CADPS: variants seen among roughly 807,000 people sequenced by gnomAD.
CADPS encodes the protein calcium dependent secretion activator, also known as calcium-dependent secretion activator 1.
A neutral mutation model predicts 167.3 loss-of-function variants in CADPS; 57 were observed. The observed-to-expected ratio is 0.34, with a 90% CI of 0.28 to 0.42. CADPS has a LOEUF of 0.42. Among genes scored for constraint, CADPS ranks in the 20% least tolerant of loss-of-function variants. The pLI, the probability that CADPS is intolerant of heterozygous loss-of-function variation, is 1.00. For missense variants in CADPS, 1,414 were observed against 1,738.1 expected, an observed-to-expected ratio of 0.81 and a Z score of 3.32; for synonymous variants, 676 against 635.3, an observed-to-expected ratio of 1.06 and a Z score of -0.96.
chr3:62,648,158 C>G (rs2069022313), intron 5 of CADPS, among the ~76,000 whole-genome samples: 1 of 152,166 alleles, frequency 6.6e-6, no homozygotes, highest in African/African-American at 2.4e-5. Flanking sequence ...ATTGTGCCCA[C>G]CAAAACACAT....
rs770889749 is a variant in CADPS at position 62,550,066 on chromosome 3, G to T, written c.1803C>A (p.Thr601=). 1.2e-6 allele frequency: 2 copies of T among 1,613,970 alleles called. No homozygotes were observed. The highest frequency in any genetic ancestry group is 1.3e-5 in the African/African-American group (1 of 74,986). ...AFFNAVKEGD[T]VIFASDDEQD... is the part of the protein sequence containing the mutation. ...GTTCATCGTCACTGGCAAATATCAC[G>T]GTGTCTCCCTCCTTGACAGCATTGA... The change falls in exon 11 of 30, where the codon ACC becomes ACA. Residue 601 remains threonine (T), a synonymous_variant. Transcript: ENST00000383710.
intron 1 of CADPS, among the ~76,000 whole-genome samples, chr3:62,782,887 G>A (rs2091901035): frequency 6.6e-6 from 1 of 151,414 alleles, no homozygotes; most frequent in Non-Finnish European, 1.5e-5. Context: ...AGCCTCTCAA[G>A]TAGCTGGGAT....
At chr3:62,728,628 C>G (rs6783200) in intron 3 of CADPS, among the ~76,000 whole-genome samples, 9,554 of 151,812 alleles carry the variant, frequency 0.063, 1,151 homozygotes, top group African/African-American at 0.22. Context: ...TGTAAATGTT[C>G]TCTTAATGAT....
At chr3:62,632,295 T>A (rs767609304) in intron 6 of CADPS, among the ~76,000 whole-genome samples, 2 of 152,156 alleles carry the variant, frequency 1.3e-5, no homozygotes, top group Non-Finnish European at 2.9e-5. Flanking sequence ...CCTTATACTT[T>A]CCCTCAATTT....
At chr3:62,797,282 A>G (rs9855844) in intron 1 of CADPS, among the ~76,000 whole-genome samples, 10,550 of 152,070 alleles carry the variant, frequency 0.069, 1,206 homozygotes, top group African/African-American at 0.24. Context: ...GGGCCCATAA[A>G]TTGTGTCCTG....
At chr3:62,530,607 G>C in intron 13 of CADPS, 1 of 1,163,898 alleles carries the variant, frequency 8.6e-7, no homozygotes, top group Non-Finnish European at 1.1e-6. Flanking sequence ...CTTGGGGAAA[G>C]GGTAAAGATA....
At chr3:62,821,940 TC>T (rs372562571) in intron 1 of CADPS, among the ~76,000 whole-genome samples, 52 of 152,310 alleles carry the variant, frequency 3.4e-4, no homozygotes, top group Non-Finnish European at 6.3e-4. Flanking sequence ...GAATGAGGTC[TC>T]TGCCTCCTTG....
intron 1 of CADPS, among the ~76,000 whole-genome samples, chr3:62,780,073 T>C (rs2091263292): frequency 6.6e-6 from 1 of 152,136 alleles, no homozygotes; most frequent in Non-Finnish European, 1.5e-5. Flanking sequence ...TAGGGTTTTT[T>C]TTTCTTCCAG....
intron 4 of CADPS, among the ~76,000 whole-genome samples, chr3:62,659,169 A>G (rs1458812990): frequency 6.6e-6 from 1 of 152,210 alleles, no homozygotes; most frequent in Non-Finnish European, 1.5e-5. Flanking sequence ...TGATATTTAC[A>G]GGAGCTGACA....
At chr3:62,816,308 C>T (rs1316952206) in intron 1 of CADPS, among the ~76,000 whole-genome samples, 1 of 152,094 alleles carries the variant, frequency 6.6e-6, no homozygotes, top group Non-Finnish European at 1.5e-5. Flanking sequence ...AAGGAATTGA[C>T]TACTTGTGGG....
intron 6 of CADPS, among the ~76,000 whole-genome samples, chr3:62,630,140 T>C (rs1474064287): frequency 6.6e-6 from 1 of 152,192 alleles, no homozygotes; most frequent in Non-Finnish European, 1.5e-5. Context: ...GTATCCCTTG[T>C]GTCTAAAGCA....
At chr3:62,770,510 C>G (rs1043458678) in intron 1 of CADPS, among the ~76,000 whole-genome samples, 1 of 152,142 alleles carries the variant, frequency 6.6e-6, no homozygotes, top group Non-Finnish European at 1.5e-5. Flanking sequence ...ACTGCAAACT[C>G]CGCCTCCTAG....
At chr3:62,414,811 A>G (rs1451025863) in intron 28 of CADPS, among the ~76,000 whole-genome samples, 2 of 151,980 alleles carry the variant, frequency 1.3e-5, no homozygotes, top group Admixed American at 1.3e-4. Flanking sequence ...CCTGTTCTTG[A>G]CCTCCAGGGA....
At chr3:62,797,333 G>C (rs1469936868) in intron 1 of CADPS, among the ~76,000 whole-genome samples, 1 of 152,054 alleles carries the variant, frequency 6.6e-6, no homozygotes, top group Admixed American at 6.6e-5. Flanking sequence ...ATCAAGTCTT[G>C]CCTTCTGTGT....
intron 6 of CADPS, among the ~76,000 whole-genome samples, chr3:62,617,140 A>G (rs1170791889): frequency 6.6e-6 from 1 of 152,100 alleles, no homozygotes; most frequent in Admixed American, 6.6e-5. Context: ...CTGAGTAATT[A>G]CCTGAACAGT....
At chr3:62,451,266 T>G (rs2058005915) in intron 26 of CADPS, among the ~76,000 whole-genome samples, 1 of 152,092 alleles carries the variant, frequency 6.6e-6, no homozygotes, top group South Asian at 2.1e-4. Context: ...CATTGAGCAC[T>G]CACCATTCTG....
At chr3:62,496,089 A>G (rs1406899868) in intron 18 of CADPS, among the ~76,000 whole-genome samples, 1 of 147,828 alleles carries the variant, frequency 6.8e-6, no homozygotes, top group African/African-American at 2.5e-5. Flanking sequence ...TTTTTTTTTA[A>G]TATACTGAGC....
chr3:62,771,216 G>T (rs1043051978), intron 1 of CADPS, among the ~76,000 whole-genome samples: 1 of 152,140 alleles, frequency 6.6e-6, no homozygotes, highest in Non-Finnish European at 1.5e-5. Context: ...ACGAATGTTT[G>T]CTGAGTGAAT....
rs1006262299 is a variant in CADPS, at chr3:62,815,517, G to T, written c.442-49533C>A. 2.6e-5 allele frequency among the ~76,000 whole-genome samples: 4 copies of T among 152,112 alleles called. No individual in the cohort carries two copies. The South Asian group carries it at 8.3e-4, about 32-fold the overall frequency. On this transcript the variant is annotated intron_variant, in intron 1 of 29. Coordinates refer to ENST00000383710, the MANE Select transcript of CADPS (RefSeq NM_003716.4). ...CCTTGATCTGGGTGCAGATTACATG[G>T]GTGTGTGCATGTAGGATTTATAGAA...
Sources: allele counts gnomAD v4.1 joint callset (sites outside exome capture counted in the v4.1 genomes callset), GRCh38; gene constraint gnomAD v4.1.1; transcripts MANE v1.5; gene names NCBI Gene and HGNC (gene_info 2026-07-23, HGNC 2026-07-21).